HS3ST5: variants seen among roughly 807,000 people sequenced by gnomAD.
HS3ST5 encodes the protein heparan sulfate glucosamine 3-O-sulfotransferase 5.
HS3ST5 carries 10 observed loss-of-function variants against 25.4 expected under a neutral mutation model. The ratio of observed to expected loss-of-function variants is 0.39; its 90% confidence interval spans 0.24 to 0.67. The LOEUF is 0.67. Among genes scored for constraint, HS3ST5 ranks in the 30% least tolerant of loss-of-function variants. HS3ST5 has a pLI of 0.44. For missense variants in HS3ST5, 324 were observed against 420.7 expected (o/e 0.77, Z 2.01); for synonymous variants, 170 against 162.4 (o/e 1.05, Z -0.36).
chr6:114,267,768 A>C (rs1773470988), intron 1 of HS3ST5, among the ~76,000 whole-genome samples: 1 of 152,156 alleles, frequency 6.6e-6, no homozygotes, highest in Non-Finnish European at 1.5e-5. Flanking sequence ...AGGTAGAACA[A>C]GCAATCTGGT....
At chr6:114,269,464 G>A (rs568083288) in intron 1 of HS3ST5, among the ~76,000 whole-genome samples, 1 of 152,226 alleles carries the variant, frequency 6.6e-6, no homozygotes, top group South Asian at 2.1e-4. Flanking sequence ...TTTCTGGGAA[G>A]GGACAATTTA....
intron 3 of HS3ST5, among the ~76,000 whole-genome samples, chr6:114,148,885 T>A (rs1015849372): frequency 1.3e-5 from 2 of 152,048 alleles, no homozygotes; most frequent in Non-Finnish European, 2.9e-5. Flanking sequence ...ACTTAAAAAA[T>A]TTACAAGAAA....
At chr6:114,341,173 AG>A (rs1191576700) in intron 1 of HS3ST5, among the ~76,000 whole-genome samples, 52 of 43,774 alleles carry the variant, frequency 1.2e-3, no homozygotes, top group Admixed American at 4.0e-3. Flanking sequence ...GGAGGGAGGG[AG>A]GGAGAGGGAG....
chr6:114,266,341 G>A (rs1773404120), intron 1 of HS3ST5, among the ~76,000 whole-genome samples: 1 of 152,064 alleles, frequency 6.6e-6, no homozygotes, highest in Non-Finnish European at 1.5e-5. Flanking sequence ...CAGAGATAAG[G>A]TTAACAAATT....
intron 2 of HS3ST5, among the ~76,000 whole-genome samples, chr6:114,204,676 A>G (rs1310661940): frequency 6.6e-6 from 1 of 152,052 alleles, no homozygotes; most frequent in African/African-American, 2.4e-5. Context: ...TTATTTTTAA[A>G]CTTTCCAGAA....
At chr6:114,242,625 G>A (rs962650985) in intron 1 of HS3ST5, among the ~76,000 whole-genome samples, 103 of 151,858 alleles carry the variant, frequency 6.8e-4, no homozygotes, top group African/African-American at 2.4e-3. Context: ...AGGCCGAGGC[G>A]GGTGGATCAT....
chr6:114,262,464 G>A (rs538058322), intron 1 of HS3ST5, among the ~76,000 whole-genome samples: 12 of 151,956 alleles, frequency 7.9e-5, no homozygotes, highest in South Asian at 2.1e-4. Flanking sequence ...GGAGAATGGC[G>A]TGAACCCAGG....
At chr6:114,244,791 T>A (rs1772305117) in intron 1 of HS3ST5, among the ~76,000 whole-genome samples, 1 of 152,144 alleles carries the variant, frequency 6.6e-6, no homozygotes, top group Non-Finnish European at 1.5e-5. Context: ...AGAACTCAAA[T>A]GCTGGGAAAC....
intron 2 of HS3ST5, among the ~76,000 whole-genome samples, chr6:114,207,978 C>T (rs577967690): frequency 3.5e-4 from 54 of 152,242 alleles, no homozygotes; most frequent in African/African-American, 1.3e-3. Flanking sequence ...CATCCCATGT[C>T]TTACTACAGT....
At chr6:114,261,622 C>T (rs1234912458) in intron 1 of HS3ST5, among the ~76,000 whole-genome samples, 1 of 152,160 alleles carries the variant, frequency 6.6e-6, no homozygotes, top group East Asian at 1.9e-4. Context: ...AGGAAATACA[C>T]CCATGTCTTA....
At chr6:114,315,460 T>G (rs932106030) in intron 1 of HS3ST5, among the ~76,000 whole-genome samples, 21 of 152,280 alleles carry the variant, frequency 1.4e-4, no homozygotes, top group African/African-American at 4.3e-4. Flanking sequence ...TAGAAAAAAT[T>G]GCAAACAATC....
At chr6:114,161,574 T>TATATATATATAA (rs1396381241) in intron 3 of HS3ST5, among the ~76,000 whole-genome samples, 24 of 102,414 alleles carry the variant, frequency 2.3e-4, no homozygotes, top group Non-Finnish European at 4.0e-4. Flanking sequence ...TATATATATA[T>TATATATATATAA]AAAATGCAAT....
intron 2 of HS3ST5, among the ~76,000 whole-genome samples, chr6:114,224,044 T>C (rs1338135445): frequency 6.6e-6 from 1 of 151,598 alleles, no homozygotes; most frequent in East Asian, 1.9e-4. Context: ...ATAGAGTCCC[T>C]CTTTTGTGTT....
At position 114,056,402 on chromosome 6, in the gene HS3ST5, T is replaced by G. The variant is rs1375515834; in HGVS notation, c.*855A>C. ...TCATATGCACGTAAACAGCTTCCAT[T>G]TTGGAAGCCAGCAGGGGGCACGTAA... On this transcript the variant is annotated 3_prime_UTR_variant, in exon 5 of 5. Transcript: ENST00000312719. The G allele has an allele frequency of 6.6e-6, 1 of 151,832 alleles. No individual in the cohort carries two copies. The highest frequency in any genetic ancestry group is 2.4e-5 in the African/African-American group (1 of 41,320). The allele number at this position is 151,832 out of a possible 1,614,324, so 9.4% of individuals were successfully genotyped here.
intron 2 of HS3ST5, among the ~76,000 whole-genome samples, chr6:114,223,482 C>T (rs760808982): frequency 1.4e-4 from 21 of 151,632 alleles, no homozygotes; most frequent in African/African-American, 2.7e-4. Flanking sequence ...AAACCTGCTG[C>T]GAGAAGGATA....
At chr6:114,155,984 C>T (rs542478636) in intron 3 of HS3ST5, among the ~76,000 whole-genome samples, 1 of 152,174 alleles carries the variant, frequency 6.6e-6, no homozygotes, top group East Asian at 1.9e-4. Context: ...AAAAACAAAT[C>T]CTGAGGAAAA....
rs146829397 is a variant in HS3ST5 at position 114,264,715 on chromosome 6, C to A, written c.-338-35937G>T. 6.6e-5 allele frequency among the ~76,000 whole-genome samples: 10 copies of A among 152,176 alleles called. No individual in the cohort carries two copies. The East Asian group carries it at 1.9e-3, about 29-fold the overall frequency. ...AAAAGCTTGGACTAGTGTTGTAAAC[C>A]TAAGAGTCTATGGGATGCCTTGAAA... On this transcript the variant is annotated intron_variant, in intron 1 of 4. Transcript: ENST00000312719.
At chr6:114,291,461 G>T (rs765407090) in intron 1 of HS3ST5, among the ~76,000 whole-genome samples, 4 of 152,144 alleles carry the variant, frequency 2.6e-5, no homozygotes, top group Non-Finnish European at 5.9e-5. Context: ...TATTTATGAG[G>T]CTCAGTATTA....
chr6:114,332,150 T>C (rs1201826020), intron 1 of HS3ST5, among the ~76,000 whole-genome samples: 2 of 152,114 alleles, frequency 1.3e-5, no homozygotes, highest in Non-Finnish European at 2.9e-5. Flanking sequence ...CTAAATCATC[T>C]CTTAAAAATT....
Sources: gnomAD v4.1 joint callset for allele counts (sites outside exome capture counted in the v4.1 genomes callset) on GRCh38, gnomAD v4.1.1 for gene constraint, MANE v1.5 for transcripts, NCBI Gene and HGNC (gene_info 2026-07-23, HGNC 2026-07-21) for gene names.